The following IFT140 variants were observed in gnomAD, a reference collection of about 807,000 sequenced individuals.
The protein encoded by IFT140 is intraflagellar transport protein 140 homolog.
IFT140 carries 133 observed loss-of-function variants against 164.6 expected under a neutral mutation model. The ratio of observed to expected loss-of-function variants is 0.81; its 90% confidence interval spans 0.70 to 0.93. The LOEUF is 0.93. Ranked by LOEUF, IFT140 falls within the 40% of genes least tolerant of loss-of-function variation. IFT140 has a pLI of 0.00. For synonymous variants in IFT140, 860 were observed against 817.3 expected (o/e 1.05, Z -0.89); for missense variants, 2,045 against 1,972.3 (o/e 1.04, Z -0.70).
At position 1,510,932 on chromosome 16, in the gene IFT140, G is replaced by A. The variant is rs200162770; in HGVS notation, c.*12C>T. ...TTCTGCAGCAGCACGCTGGTCCTGG[G>A]GCCCAGGCCCCTCAGGGGTCGTCAT... On this transcript the variant is annotated 3_prime_UTR_variant, in exon 31 of 31. Coordinates refer to ENST00000426508, the MANE Select transcript of IFT140 (RefSeq NM_014714.4). 4.0e-4 allele frequency: 636 copies of A among 1,607,986 alleles called. 4 individuals carry two copies. The South Asian group carries it at 4.0e-3, about 10-fold the overall frequency.
In IFT140 at chr16:1,530,809, A is replaced by T. The variant is rs1301094746; in HGVS notation, c.2400-4013T>A. ...GTGTGACCGAGGACCCAGCCAGCAC[A>T]CCGTCAGATGCCCGCACTTCCATGT... On this transcript the variant is annotated intron_variant, in intron 19 of 30. Coordinates refer to ENST00000426508, the MANE Select transcript of IFT140 (RefSeq NM_014714.4). 2 of 150,956 alleles carry T rather than the reference A, an allele frequency of 1.3e-5. 1 individual carries two copies. Among genetic ancestry groups the T allele is most frequent in the Non-Finnish European group, 2.9e-5 (2 of 67,888 alleles). 9.4% of individuals were successfully genotyped at this position (150,956 alleles called of 1,614,324 possible).
chr16:1,519,159 C>T (rs552518482), intron 29 of IFT140, among the ~76,000 whole-genome samples: 7 of 152,356 alleles, frequency 4.6e-5, no homozygotes, highest in South Asian at 2.1e-4. Flanking sequence ...AGAATCGACA[C>T]GTGCAGGTGG....
chr16:1,511,338 C>T (rs67551650), intron 30 of IFT140, among the ~76,000 whole-genome samples, 188 bp from the exon 31 acceptor site: 11 of 152,274 alleles, frequency 7.2e-5, no homozygotes, highest in East Asian at 1.9e-4. Flanking sequence ...GCGGTGCCCG[C>T]GGACCGCACA....
chr16:1,575,980 CT>C (rs1402106085), intron 13 of IFT140, among the ~76,000 whole-genome samples: 6 of 152,140 alleles, frequency 3.9e-5, no homozygotes, highest in African/African-American at 1.4e-4. Flanking sequence ...ACATGAACTT[CT>C]TTTTTCAATA....
At chr16:1,535,627 C>T (rs114020232) in intron 19 of IFT140, among the ~76,000 whole-genome samples, 1,815 of 152,280 alleles carry the variant, frequency 0.012, 54 homozygotes, top group African/African-American at 0.042. Flanking sequence ...CAACCTGCCG[C>T]GCTCAGAACC....
intron 30 of IFT140, among the ~76,000 whole-genome samples, chr16:1,517,829 G>C (rs192610330): frequency 8.9e-4 from 136 of 152,152 alleles, no homozygotes; most frequent in Non-Finnish European, 1.7e-3. Context: ...GTTACTTTTT[G>C]CTACCGACAG....
rs373111085 is a variant in IFT140, at chr16:1,568,260, C to G, written c.1727G>C (p.Arg576Pro). The change falls in exon 15 of 31, where the codon CGG becomes CCG. Residue 576 changes from arginine (R) to proline (P), a missense_variant. By Grantham distance (103) the Arg-to-Pro change is moderately radical. Coordinates refer to ENST00000426508, the MANE Select transcript of IFT140 (RefSeq NM_014714.4). ...VPGVGGIASL[R>P]CSSSGSTISI... The stretch of plus-strand genomic sequence containing the variant: ...GATGGTGCTCCCGCTGCTGCTGCAC[C>G]GCAGAGAAGCGATGCCCCCCACCCC... 6.2e-7 allele frequency: 1 copy of G among 1,612,460 alleles called. No homozygotes were observed. The highest frequency in any genetic ancestry group is 8.5e-7 in the Non-Finnish European group (1 of 1,179,596).
At chr16:1,563,657 A>G (rs1459958730) in intron 17 of IFT140, among the ~76,000 whole-genome samples, 1 of 152,020 alleles carries the variant, frequency 6.6e-6, no homozygotes, top group Non-Finnish European at 1.5e-5. Flanking sequence ...TGGCAAATCC[A>G]TAGAGGTGGC....
Position 1,564,421 on chromosome 16 carries a change from C to G in IFT140, c.1902-259G>C, listed in dbSNP as rs531519924. Among the ~76,000 whole-genome samples the G allele has an allele frequency of 1.3e-5, 2 of 152,298 alleles. No homozygotes were observed. The highest frequency in any genetic ancestry group is 2.9e-5 in the Non-Finnish European group (2 of 68,014). ...AAAGATGACGCTTTGATTCTGGAGGCCTTATGGGGGCCCAGAAGAATCCCC... is the reference window on the plus strand; with the variant it reads ...AAAGATGACGCTTTGATTCTGGAGGGCTTATGGGGGCCCAGAAGAATCCCC... On this transcript the variant is annotated intron_variant, in intron 16 of 30. Transcript: ENST00000426508. This position sits in a 1 kb window ranked among gnomAD's most constrained non-coding sequence, Gnocchi z 5.5.
Position 1,564,524 on chromosome 16 carries a change from G to C in IFT140, c.1902-362C>G, listed in dbSNP as rs567802845. ...TGGGATGGCACCCCCTGCTGGGCGG[G>C]GTCGAGGCTTTGGCTCTGTGGTCAT... is the stretch of plus-strand genomic sequence containing the variant. On this transcript the variant is annotated intron_variant, in intron 16 of 30. Transcript: ENST00000426508. This position sits in a 1 kb window ranked among gnomAD's most constrained non-coding sequence, Gnocchi z 5.5. 5.3e-5 allele frequency among the ~76,000 whole-genome samples: 8 copies of C among 152,282 alleles called. No individual in the cohort carries two copies. The highest frequency in any genetic ancestry group is 1.9e-4 in the African/African-American group (8 of 41,552).
In IFT140 at chr16:1,590,332, G is replaced by A. The variant is rs894690356; in HGVS notation, c.635-552C>T. On this transcript the variant is annotated intron_variant, in intron 6 of 30. Coordinates refer to ENST00000426508, the MANE Select transcript of IFT140 (RefSeq NM_014714.4). ...TTCCTCCTCTGCCCCTGTCTTGGAG[G>A]GTTTCACATCCACACTGCTGACCCT... Among the ~76,000 whole-genome samples, 67 of 152,232 alleles carry A rather than the reference G, an allele frequency of 4.4e-4. 1 individual carries two copies. The highest frequency in any genetic ancestry group is 1.3e-3 in the African/African-American group (56 of 41,548).
chr16:1,521,792 G>A (rs2040533783), intron 26 of IFT140, among the ~76,000 whole-genome samples: 2 of 150,338 alleles, frequency 1.3e-5, no homozygotes, highest in African/African-American at 4.9e-5. Flanking sequence ...AGGCCAAGGT[G>A]AGAGGATCAC....
rs946635546 is a variant in IFT140 at position 1,605,174 on chromosome 16, A to C, written c.147+1946T>G. ...CATGGTGCTCACAAGCTGGAAATGG[A>C]GGAAGAGCTGGCAAAGCCATGGAGG... On this transcript the variant is annotated intron_variant, in intron 3 of 30. Coordinates refer to ENST00000426508, the MANE Select transcript of IFT140 (RefSeq NM_014714.4). Among the ~76,000 whole-genome samples the C allele has an allele frequency of 1.3e-5, 2 of 152,102 alleles. 1 individual carries two copies. The highest frequency in any genetic ancestry group is 4.8e-5 in the African/African-American group (2 of 41,402).
Position 1,607,239 on chromosome 16 carries a change from C to G in IFT140, c.28G>C (p.Glu10Gln), listed in dbSNP as rs2036121771. 12 of 1,614,098 alleles carry G rather than the reference C, an allele frequency of 7.4e-6. No homozygotes were observed. Among genetic ancestry groups the G allele is most frequent in the Non-Finnish European group, 1.0e-5 (12 of 1,180,026 alleles). Residue 10 changes from glutamate to glutamine, a missense_variant, in exon 3 of 31, where the codon GAA (glutamate) becomes CAA (glutamine). Transcript: ENST00000426508. Reference sequence around the variant, plus strand: ...GGTGACCCTGCTGCATCCGGGGCTTCTATCTGGTGGTCATAATAGAGGGCC... The same window carrying G: ...GGTGACCCTGCTGCATCCGGGGCTTGTATCTGGTGGTCATAATAGAGGGCC... MALYYDHQI[E>Q]APDAAGSPSF...
chr16:1,511,277 G>T, intron 30 of IFT140, 127 bp from the exon 31 acceptor site: 1 of 803,926 alleles, frequency 1.2e-6, no homozygotes, highest in Non-Finnish European at 2.1e-6. Context: ...GAGGACACGG[G>T]GTGCACTGAG....
intron 15 of IFT140, 149 bp from the exon 16 acceptor site, chr16:1,566,440 T>G (rs1362593422): frequency 1.5e-6 from 1 of 682,422 alleles, no homozygotes. Flanking sequence ...AGGACTAGCA[T>G]GCTTTCAATA....
At chr16:1,541,177 G>C (rs367657150) in intron 19 of IFT140, 1 of 985,356 alleles carries the variant, frequency 1.0e-6, no homozygotes. Context: ...GTGGGGGACA[G>C]AGAAGGCTGG....
chr16:1,562,210 CGGTGGGGTCGTTGCTACACACTGCGTCAT>C (rs1308925997), intron 17 of IFT140, 94 bp from the exon 18 acceptor site: 3 of 1,121,272 alleles, frequency 2.7e-6, no homozygotes, highest in African/African-American at 3.2e-5. Context: ...CACTGCGTCA[CGGTGGGGTCGTTGCTACACACTGCGTCAT>C]GGTGGGGTCG....
chr16:1,570,053 G>GCAT (rs2033940424), intron 14 of IFT140, among the ~76,000 whole-genome samples: 1 of 152,136 alleles, frequency 6.6e-6, no homozygotes, highest in Non-Finnish European at 1.5e-5. Flanking sequence ...TCTTTATGAG[G>GCAT]TTTTTTGGTT....
Sources: gnomAD v4.1 joint callset for allele counts (sites outside exome capture counted in the v4.1 genomes callset) on GRCh38, gnomAD v4.1.1 for gene constraint, Gnocchi (gnomAD v3.1) non-coding constraint, MANE v1.5 for transcripts, NCBI Gene and HGNC (gene_info 2026-07-23, HGNC 2026-07-21) for gene names.